Variants in NINL observed in about 807,000 individuals in gnomAD.
The protein encoded by NINL is ninein like, also known as ninein-like protein.
NINL carries 153 observed loss-of-function variants against 160.3 expected under a neutral mutation model. The observed-to-expected ratio is 0.95, with a 90% CI of 0.84 to 1.09. NINL has a LOEUF of 1.09. Among genes scored for constraint, NINL ranks in the 50% least tolerant of loss-of-function variants. The pLI is 0.00. For synonymous variants in NINL, 800 were observed against 734.8 expected (o/e 1.09, Z -1.43); for missense variants, 1,829 against 1,764.0 (o/e 1.04, Z -0.66).
chr20:25,494,805 C>T (rs1278107079), intron 10 of NINL, among the ~76,000 whole-genome samples: 1 of 152,222 alleles, frequency 6.6e-6, no homozygotes, highest in African/African-American at 2.4e-5. Flanking sequence ...GTGCCTGGCT[C>T]TGGAAGGCCT....
intron 4 of NINL, among the ~76,000 whole-genome samples, chr20:25,511,752 A>G (rs1184697182): frequency 6.6e-6 from 1 of 152,212 alleles, no homozygotes; most frequent in Non-Finnish European, 1.5e-5. Context: ...AATGTTCTGG[A>G]TTTACTGGCA....
chr20:25,551,292 A>G (rs1171318682), intron 1 of NINL, among the ~76,000 whole-genome samples: 1 of 152,148 alleles, frequency 6.6e-6, no homozygotes, highest in Non-Finnish European at 1.5e-5. Flanking sequence ...CATTTTCTAC[A>G]TAGACACAGT....
Position 25,467,460 on chromosome 20 carries a change from T to A in NINL, c.3354-2A>T. On this transcript the variant is annotated splice_acceptor_variant, in intron 18 of 23. Coordinates refer to ENST00000278886, the MANE Select transcript of NINL (RefSeq NM_025176.6). LOFTEE classifies it high-confidence loss of function. ...TTCTTTAAAACCTCAATTTCCTTCC[T>A]GTTGAAGAAGCACAATTAACAGTGA... The A allele has an allele frequency of 6.2e-7, 1 of 1,613,100 alleles. No homozygotes were observed. The highest frequency in any genetic ancestry group is 8.5e-7 in the Non-Finnish European group (1 of 1,179,036).
intron 1 of NINL, among the ~76,000 whole-genome samples, chr20:25,562,032 G>A (rs1322196638): frequency 1.4e-5 from 2 of 146,696 alleles, no homozygotes; most frequent in Non-Finnish European, 3.0e-5. Context: ...GGGAAGTGAG[G>A]AGCCCCTCTG....
rs34667640 is a variant in NINL at position 25,477,926 on chromosome 20, CT to C, written c.2202-838del. 2.2e-3 allele frequency among the ~76,000 whole-genome samples: 316 copies of C among 143,046 alleles called. 2 individuals carry two copies. Among genetic ancestry groups the C allele is most frequent in the African/African-American group, 5.3e-3 (206 of 38,580 alleles). The allele number at this position is 143,046 out of a possible 152,430, so 93.8% of individuals were successfully genotyped here. A position where few individuals can be genotyped will look rare whatever the true frequency, so the allele number is the denominator to read the frequency against. ...GGGGAGGCACAGGATGGACAGACGA[CT>C]TTTTTTTTTTTTTGAGACGAGTCTC... is the stretch of plus-strand genomic sequence containing the variant. On this transcript the variant is annotated intron_variant, in intron 16 of 23. Transcript: ENST00000278886.
At chr20:25,536,007 G>C (rs1328262816) in intron 1 of NINL, among the ~76,000 whole-genome samples, 1 of 152,164 alleles carries the variant, frequency 6.6e-6, no homozygotes, top group Non-Finnish European at 1.5e-5. Flanking sequence ...AAACTAACGA[G>C]TGAGCCCTAC....
chr20:25,563,079 T>C (rs1323477726), intron 1 of NINL, among the ~76,000 whole-genome samples: 1 of 152,178 alleles, frequency 6.6e-6, no homozygotes, highest in African/African-American at 2.4e-5. Context: ...GGCAGGAGAA[T>C]GGCGTGAACC....
At chr20:25,532,454 C>T (rs2064482005) in intron 1 of NINL, among the ~76,000 whole-genome samples, 1 of 152,232 alleles carries the variant, frequency 6.6e-6, no homozygotes, top group South Asian at 2.1e-4. Flanking sequence ...GGGGAGCCCA[C>T]CCATCTGACC....
rs753768867 is a variant in NINL, at chr20:25,481,765, C to T, written c.1810+203G>A. 2.7e-5 allele frequency: 19 copies of T among 710,990 alleles called. 1 individual carries two copies. Among genetic ancestry groups the T allele is most frequent in the Non-Finnish European group, 4.1e-5 (18 of 437,136 alleles). The allele number at this position is 710,990 out of a possible 1,614,324, so 44.0% of individuals were successfully genotyped here. On this transcript the variant is annotated intron_variant, in intron 14 of 23. Coordinates refer to ENST00000278886, the MANE Select transcript of NINL (RefSeq NM_025176.6). The stretch of plus-strand genomic sequence containing the variant: ...CCACCTTCAGCGTCCCTTCCTCCTC[C>T]CTCTGCAGGTGACCTTCCGTGTTGC...
rs1207891447 is a variant in NINL, at chr20:25,510,749, A to G, written c.451-9T>C. The G allele has an allele frequency of 3.1e-6, 5 of 1,609,066 alleles. No homozygotes were observed. Among genetic ancestry groups the G allele is most frequent in the Non-Finnish European group, 4.3e-6 (5 of 1,176,304 alleles). ...TCATCTGACTTGGGACTCTGTAGAA[A>G]GATGCAGAGAGAAGGCTGTGAGTTC... On this transcript the variant is annotated splice_polypyrimidine_tract_variant and intron_variant, in intron 4 of 23. Transcript: ENST00000278886.
intron 3 of NINL, among the ~76,000 whole-genome samples, chr20:25,515,080 C>T (rs545073685): frequency 2.6e-5 from 4 of 152,312 alleles, no homozygotes; most frequent in African/African-American, 9.6e-5. Context: ...GTCCTCCAGA[C>T]CCTAGAATGG....
chr20:25,536,083 C>G (rs1234205324), intron 1 of NINL, among the ~76,000 whole-genome samples: 1 of 152,224 alleles, frequency 6.6e-6, no homozygotes, highest in Non-Finnish European at 1.5e-5. Context: ...ACCATGCCCA[C>G]AGCAGCAAGG....
intron 1 of NINL, among the ~76,000 whole-genome samples, chr20:25,564,641 C>A (rs1020306646): frequency 2.6e-5 from 4 of 151,688 alleles, no homozygotes; most frequent in African/African-American, 7.3e-5. Flanking sequence ...TTAGTAGACA[C>A]GGGGTTTCAC....
At chr20:25,573,858 G>A (rs1279347004) in intron 1 of NINL, among the ~76,000 whole-genome samples, 1 of 152,174 alleles carries the variant, frequency 6.6e-6, no homozygotes, top group Non-Finnish European at 1.5e-5. Flanking sequence ...CCAACATGGC[G>A]GTGACTAGGG....
In NINL at chr20:25,491,636, G is replaced by A. The variant is rs185668009; in HGVS notation, c.1311-111C>T. On this transcript the variant is annotated intron_variant, in intron 10 of 23. Transcript: ENST00000278886. ...TTAGAAACGCCCCTGTCCTCAGCAC[G>A]TGCAGGGCCGCCCTGCCTTGGCTGA... is the stretch of plus-strand genomic sequence containing the variant. 3.6e-4 allele frequency: 464 copies of A among 1,298,700 alleles called. 2 individuals are homozygous for A. In the African/African-American group the frequency reaches 5.9e-3, roughly 16 times the overall value. The allele number at this position is 1,298,700 out of a possible 1,614,324, so 80.4% of individuals were successfully genotyped here. A position where few individuals can be genotyped will look rare whatever the true frequency, so the allele number is the denominator to read the frequency against.
At chr20:25,480,754 A>G (rs1176808036) in intron 14 of NINL, among the ~76,000 whole-genome samples, 3 of 152,144 alleles carry the variant, frequency 2.0e-5, no homozygotes, top group Non-Finnish European at 4.4e-5. Flanking sequence ...AAGTTCTGAG[A>G]GGCAGTTCTG....
intron 1 of NINL, chr20:25,539,953 C>T: frequency 1.8e-6 from 2 of 1,100,778 alleles, no homozygotes; most frequent in Admixed American, 4.8e-5. Flanking sequence ...CGGGGGCTCC[C>T]AGGCCTGCGC....
chr20:25,509,963 T>C (rs763239490), intron 5 of NINL, among the ~76,000 whole-genome samples: 14 of 152,198 alleles, frequency 9.2e-5, no homozygotes, highest in Non-Finnish European at 2.1e-4. Context: ...CCATGACATA[T>C]GTAATGCATG....
At chr20:25,490,028 G>A (rs372600310) in intron 11 of NINL, 43 bp from the exon 12 acceptor site, 273 of 1,533,572 alleles carry the variant, frequency 1.8e-4, no homozygotes, top group Non-Finnish European at 2.3e-4. Context: ...CCTGCAGGAC[G>A]GAGGGGATGT....
Sources: allele counts gnomAD v4.1 joint callset (sites outside exome capture counted in the v4.1 genomes callset), GRCh38; gene constraint gnomAD v4.1.1; transcripts MANE v1.5; gene names NCBI Gene and HGNC (gene_info 2026-07-23, HGNC 2026-07-21).